PLXNA4: variants seen among roughly 807,000 people sequenced by gnomAD.
PLXNA4 encodes the protein plexin A4.
PLXNA4 carries 44 observed loss-of-function variants against 191.8 expected under a neutral mutation model. The ratio of observed to expected loss-of-function variants is 0.23; its 90% CI spans 0.18 to 0.29. PLXNA4 has a LOEUF of 0.29. PLXNA4 is among the 10% of genes least tolerant of loss of function. The pLI, the probability that PLXNA4 is intolerant of heterozygous loss-of-function variation, is 1.00. For synonymous variants in PLXNA4, 1,082 were observed against 1,009.5 expected, an observed-to-expected ratio of 1.07 and a Z score of -1.36; for missense variants, 1,800 against 2,488.8, an observed-to-expected ratio of 0.72 and a Z score of 5.89.
chr7:132,496,814 C>G (rs1286019874), intron 2 of PLXNA4, among the ~76,000 whole-genome samples: 1 of 152,124 alleles, frequency 6.6e-6, no homozygotes, highest in Non-Finnish European at 1.5e-5. Flanking sequence ...GACTATGTGT[C>G]CAGTCCCTTT....
chr7:132,228,614 A>G, intron 5 of PLXNA4, 145 bp from the exon 6 acceptor site: 1 of 1,069,468 alleles, frequency 9.4e-7, no homozygotes. Context: ...GTCCTTCCTC[A>G]AGCCTGGTCC....
intron 30 of PLXNA4, among the ~76,000 whole-genome samples, chr7:132,138,649 A>T (rs1795181904): frequency 6.6e-6 from 1 of 152,214 alleles, no homozygotes; most frequent in African/African-American, 2.4e-5. Flanking sequence ...ACTTTCTTGA[A>T]AGTGTCAGTG....
At chr7:132,501,295 GA>G (rs1798240312) in intron 2 of PLXNA4, among the ~76,000 whole-genome samples, 1 of 152,222 alleles carries the variant, frequency 6.6e-6, no homozygotes, top group Admixed American at 6.5e-5. Context: ...ATCAAGGACA[GA>G]AAGAATGGGT....
intron 3 of PLXNA4, among the ~76,000 whole-genome samples, chr7:132,365,360 T>TGTGTGTGCGCGC: frequency 0.025 from 3,182 of 128,564 alleles, 60 homozygotes; most frequent in African/African-American, 0.04. Context: ...TGTGTGTGTG[T>TGTGTGTGCGCGC]GCGTGCGCGC....
chr7:132,502,333 C>T (rs1208125881), intron 2 of PLXNA4, among the ~76,000 whole-genome samples: 1 of 152,206 alleles, frequency 6.6e-6, no homozygotes, highest in Non-Finnish European at 1.5e-5. Flanking sequence ...GTCATGCACA[C>T]AGCAGGGCAG....
At chr7:132,234,818 T>C (rs923094818) in intron 5 of PLXNA4, among the ~76,000 whole-genome samples, 2 of 152,130 alleles carry the variant, frequency 1.3e-5, no homozygotes, top group Admixed American at 1.3e-4. Context: ...GAAAATCTCC[T>C]TGCACAGACT....
intron 3 of PLXNA4, among the ~76,000 whole-genome samples, chr7:132,372,431 G>C (rs780554465): frequency 2.6e-5 from 4 of 152,204 alleles, no homozygotes; most frequent in Non-Finnish European, 5.9e-5. Context: ...AGTCCCTCCT[G>C]TTCCTTTAGG....
At chr7:132,341,767 C>T (rs1362776051) in intron 3 of PLXNA4, among the ~76,000 whole-genome samples, 1 of 152,176 alleles carries the variant, frequency 6.6e-6, no homozygotes, top group Non-Finnish European at 1.5e-5. Context: ...AGTTCTTTCT[C>T]TAGATTATAA....
intron 3 of PLXNA4, among the ~76,000 whole-genome samples, chr7:132,396,471 G>C (rs900915623): frequency 1.1e-4 from 17 of 152,090 alleles, no homozygotes; most frequent in African/African-American, 3.1e-4. Context: ...GGCAGGGCTG[G>C]ACTTGGGTTT....
chr7:132,333,227 G>C (rs1802665958), intron 3 of PLXNA4, among the ~76,000 whole-genome samples: 1 of 152,182 alleles, frequency 6.6e-6, no homozygotes, highest in East Asian at 1.9e-4. Flanking sequence ...GTGGCTAGTG[G>C]GGAATTTGTG....
At chr7:132,477,183 T>C (rs1160482519) in intron 3 of PLXNA4, among the ~76,000 whole-genome samples, 1 of 152,196 alleles carries the variant, frequency 6.6e-6, no homozygotes, top group African/African-American at 2.4e-5. Flanking sequence ...AAATAAACCT[T>C]ATGATAAACT....
intron 3 of PLXNA4, among the ~76,000 whole-genome samples, chr7:132,430,640 C>A (rs277479): frequency 0.098 from 14,976 of 152,164 alleles, 1,235 homozygotes; most frequent in African/African-American, 0.2. Flanking sequence ...GCTGAGGTTG[C>A]AGTCTTCATG....
chr7:132,644,070 A>G (rs1404779653), intron 2 of PLXNA4, among the ~76,000 whole-genome samples: 1 of 152,162 alleles, frequency 6.6e-6, no homozygotes, highest in Non-Finnish European at 1.5e-5. Flanking sequence ...CATCGGTAAA[A>G]TATATTTATT....
Position 132,508,269 on chromosome 7 carries a change from C to T in PLXNA4, c.425G>A (p.Arg142Lys). The T allele has an allele frequency of 1.9e-6, 3 of 1,614,246 alleles. No homozygotes were observed. The highest frequency in any genetic ancestry group is 2.5e-6 in the Non-Finnish European group (3 of 1,180,046). ...SLYQGICKLLRLEDLFKLGEP... is the reference protein window; with the variant it reads ...SLYQGICKLLKLEDLFKLGEP... ...CCCCAGCTTGAAGAGGTCCTCCAGC[C>T]TCAGCAGCTTGCAGATGCCTTGGTA... is the stretch of plus-strand genomic sequence containing the variant. Residue 142 changes from arginine (R) to lysine (K), a missense_variant, in exon 2 of 32, where the codon AGG becomes AAG. This residue lies in a region of PLXNA4 where 1,397 missense variants were observed against 1,880.4 expected (regional missense o/e 0.74). Coordinates refer to ENST00000321063, the MANE Select transcript of PLXNA4 (RefSeq NM_020911.2). The surrounding 1 kb of genome is among the most constrained non-coding windows in gnomAD (Gnocchi z 4.4).
intron 3 of PLXNA4, among the ~76,000 whole-genome samples, chr7:132,300,909 G>A (rs1297381608): frequency 6.6e-6 from 1 of 152,244 alleles, no homozygotes; most frequent in East Asian, 1.9e-4. Flanking sequence ...TTCAGTGCCT[G>A]AGCAGTCTCC....
chr7:132,377,415 T>C (rs560993407), intron 3 of PLXNA4, among the ~76,000 whole-genome samples: 1,028 of 100,566 alleles, frequency 0.01, 7 homozygotes, highest in Middle Eastern at 0.062. Flanking sequence ...CAAACTCAAA[T>C]GAAAAAGAAA....
intron 2 of PLXNA4, among the ~76,000 whole-genome samples, chr7:132,599,970 A>G (rs758142202): frequency 2.0e-5 from 3 of 152,170 alleles, no homozygotes; most frequent in Admixed American, 6.5e-5. Flanking sequence ...TATTAATACG[A>G]TAAGTTATGT....
rs536654662 is a variant in PLXNA4 at position 132,162,556 on chromosome 7, G to A, written c.4500+1586C>T. On this transcript the variant is annotated intron_variant, in intron 24 of 31. Coordinates refer to ENST00000321063, the MANE Select transcript of PLXNA4 (RefSeq NM_020911.2). Reference sequence around the variant, plus strand: ...TGAGGAGACAGGAAAGAAAGGGAGTGGAACGGGGGAGACAGGGTGGAAGAC... The same window carrying A: ...TGAGGAGACAGGAAAGAAAGGGAGTAGAACGGGGGAGACAGGGTGGAAGAC... Among the ~76,000 whole-genome samples, 35 of 152,296 alleles carry A rather than the reference G, an allele frequency of 2.3e-4. No homozygotes were observed. The South Asian group carries it at 7.2e-3, about 32-fold the overall frequency.
chr7:132,254,597 A>G (rs1228522767), intron 4 of PLXNA4, among the ~76,000 whole-genome samples: 1 of 152,126 alleles, frequency 6.6e-6, no homozygotes, highest in Non-Finnish European at 1.5e-5. Flanking sequence ...TCTGTGTGGG[A>G]CTGGGAGGAC....
Sources: gnomAD v4.1 joint callset for allele counts (sites outside exome capture counted in the v4.1 genomes callset) on GRCh38, gnomAD v4.1.1 for gene constraint, gnomAD v4.1.1 regional missense constraint, Gnocchi (gnomAD v3.1) non-coding constraint, MANE v1.5 for transcripts, NCBI Gene and HGNC (gene_info 2026-07-23, HGNC 2026-07-21) for gene names.